Variants in GRM5 observed in about 807,000 individuals in gnomAD.
The protein encoded by GRM5 is glutamate metabotropic receptor 5.
Under a neutral mutation model 83.1 loss-of-function variants are expected in GRM5, and 19 were observed. That is an observed-to-expected ratio of 0.23 (90% confidence interval 0.16 to 0.34). The LOEUF (loss-of-function observed/expected upper bound fraction) is 0.34, where lower values mean the gene tolerates loss of function less well. GRM5 is among the 10% of genes least tolerant of loss of function. GRM5 has a pLI of 1.00. For synonymous variants in GRM5, 675 were observed against 633.6 expected (o/e 1.07, Z -0.98); for missense variants, 1,160 against 1,588.3 (o/e 0.73, Z 4.58).
chr11:88,595,803 A>G (rs1025205544), intron 6 of GRM5, among the ~76,000 whole-genome samples: 4 of 151,966 alleles, frequency 2.6e-5, no homozygotes, highest in Admixed American at 2.6e-4. Flanking sequence ...CTAGTTGTCT[A>G]TCTCTCTGTA....
chr11:88,643,308 T>C (rs561359782), intron 4 of GRM5, among the ~76,000 whole-genome samples: 27 of 152,180 alleles, frequency 1.8e-4, no homozygotes, highest in Admixed American at 1.7e-3. Flanking sequence ...CATTCACTAT[T>C]GCAAGAACAG....
intron 8 of GRM5, among the ~76,000 whole-genome samples, chr11:88,561,669 T>G (rs901187276): frequency 1.3e-5 from 2 of 152,176 alleles, no homozygotes; most frequent in African/African-American, 4.8e-5. Context: ...TGCACCATGT[T>G]GTGCTGGAAA....
chr11:88,968,974 A>G (rs1939081016), intron 2 of GRM5, among the ~76,000 whole-genome samples: 1 of 152,102 alleles, frequency 6.6e-6, no homozygotes, highest in Non-Finnish European at 1.5e-5. Flanking sequence ...CTTCAGCATC[A>G]GTGTGGAAGG....
chr11:88,583,321 A>T (rs1432524286), intron 7 of GRM5, among the ~76,000 whole-genome samples: 2 of 152,164 alleles, frequency 1.3e-5, no homozygotes, highest in Admixed American at 6.5e-5. Flanking sequence ...AAGTGAAGAG[A>T]CAAATGTTCC....
chr11:88,887,745 C>T (rs1945069575), intron 2 of GRM5, among the ~76,000 whole-genome samples: 2 of 152,146 alleles, frequency 1.3e-5, no homozygotes, highest in African/African-American at 4.8e-5. Flanking sequence ...ATTCAGCCTG[C>T]ACTCCCCTGG....
chr11:89,042,071 T>G (rs1276590083), intron 2 of GRM5, among the ~76,000 whole-genome samples: 1 of 152,162 alleles, frequency 6.6e-6, no homozygotes, highest in Non-Finnish European at 1.5e-5. Context: ...TTTGAGACAG[T>G]TTTGCTTTTG....
chr11:88,960,595 T>C (rs1249375846), intron 2 of GRM5, among the ~76,000 whole-genome samples: 2 of 152,138 alleles, frequency 1.3e-5, no homozygotes, highest in African/African-American at 2.4e-5. Flanking sequence ...TAGATAGTAG[T>C]AGGGCAAGTG....
intron 3 of GRM5, among the ~76,000 whole-genome samples, chr11:88,764,259 T>C (rs1344620504): frequency 1.3e-5 from 2 of 151,518 alleles, no homozygotes; most frequent in Non-Finnish European, 3.0e-5. Flanking sequence ...ATCATAACGG[T>C]TGCAGACTTC....
chr11:88,690,978 A>T (rs1416238914), intron 3 of GRM5, among the ~76,000 whole-genome samples: 5 of 152,192 alleles, frequency 3.3e-5, no homozygotes, highest in African/African-American at 1.2e-4. Flanking sequence ...CCTATGGATC[A>T]ATTTTTTAGT....
intron 3 of GRM5, among the ~76,000 whole-genome samples, chr11:88,821,497 C>T (rs748909952): frequency 1.3e-5 from 2 of 152,048 alleles, no homozygotes; most frequent in Non-Finnish European, 2.9e-5. Context: ...ATTTGTAAGC[C>T]ATATCCTTAG....
chr11:88,584,936 G>C (rs191965862), intron 7 of GRM5, among the ~76,000 whole-genome samples: 29 of 152,242 alleles, frequency 1.9e-4, no homozygotes, highest in African/African-American at 7.0e-4. Context: ...TGGCACTTTG[G>C]CATATTGAAT....
chr11:88,719,440 C>T (rs532462443), intron 3 of GRM5, among the ~76,000 whole-genome samples: 1 of 152,178 alleles, frequency 6.6e-6, no homozygotes, highest in East Asian at 1.9e-4. Context: ...ATATGTATCA[C>T]ATTTTCTTCA....
chr11:88,836,402 G>A lies in GRM5; in HGVS notation c.911+13504C>T, dbSNP rs545694899. Among the ~76,000 whole-genome samples the A allele has an allele frequency of 4.6e-5, 7 of 152,252 alleles. No homozygotes were observed. The South Asian group carries it at 1.5e-3, about 32-fold the overall frequency. Reference sequence around the variant, plus strand: ...TTATCACAATGCCTGTCAACAAATAGAAATATACATATGTATATATGTGTG... The same window carrying A: ...TTATCACAATGCCTGTCAACAAATAAAAATATACATATGTATATATGTGTG... On this transcript the variant is annotated intron_variant, in intron 3 of 9. Coordinates refer to ENST00000305447, the MANE Select transcript of GRM5 (RefSeq NM_001143831.3).
At position 88,508,800 on chromosome 11, in the gene GRM5, G is replaced by A. The variant is rs1251710820; in HGVS notation, c.3431C>T (p.Pro1144Leu). 6.8e-7 allele frequency: 1 copy of A among 1,477,004 alleles called. No individual in the cohort carries two copies. Among genetic ancestry groups the A allele is most frequent in the Non-Finnish European group, 8.9e-7 (1 of 1,118,570 alleles). The allele number at this position is 1,477,004 out of a possible 1,614,324, so 91.5% of individuals were successfully genotyped here. The change falls in exon 10 of 10, where the codon CCC becomes CTC. Residue 1144 changes from proline to leucine, a missense_variant. Coordinates refer to ENST00000305447, the MANE Select transcript of GRM5 (RefSeq NM_001143831.3). This position sits in a 1 kb window ranked among gnomAD's most constrained non-coding sequence, Gnocchi z 4.2. ...GGCCGCAGCCTCGGGACCGGCCGCG[G>A]GGCTCTCCCGGGCCGCGTCCCCAGC... is the stretch of plus-strand genomic sequence containing the variant. ...QAAGDAARES[P>L]AAGPEAAAAK...
At chr11:89,039,418 A>G (rs1353423967) in intron 2 of GRM5, among the ~76,000 whole-genome samples, 6 of 152,056 alleles carry the variant, frequency 3.9e-5, no homozygotes, top group Non-Finnish European at 7.4e-5. Context: ...GTTTAAGTCC[A>G]TTTTCCAGAG....
intron 2 of GRM5, among the ~76,000 whole-genome samples, chr11:88,952,625 A>T (rs887862774): frequency 8.0e-5 from 1 of 12,560 alleles, no homozygotes; most frequent in African/African-American, 1.7e-4. Flanking sequence ...GCAGAAAGAG[A>T]GCTTTTTTTT....
In GRM5 at chr11:89,022,486, C is replaced by CAA. The variant is rs10573194; in HGVS notation, c.661+24724_661+24725dup. ...TGAAACTCCGTCCCTACTAAAAATA[C>CAA]AAAAAAAAAAAAAAAAATAGACAGA... On this transcript the variant is annotated intron_variant, in intron 2 of 9. Transcript: ENST00000305447. Among the ~76,000 whole-genome samples, 896 of 126,040 alleles carry CAA rather than the reference C, an allele frequency of 7.1e-3. 11 individuals carry two copies. The highest frequency in any genetic ancestry group is 0.024 in the African/African-American group (860 of 35,294). The allele number at this position is 126,040 out of a possible 152,430, so 82.7% of individuals were successfully genotyped here. A position where few individuals can be genotyped will look rare whatever the true frequency, so the allele number is the denominator to read the frequency against.
At chr11:88,870,640 T>C (rs1439763641) in intron 2 of GRM5, among the ~76,000 whole-genome samples, 5 of 151,606 alleles carry the variant, frequency 3.3e-5, no homozygotes, top group Admixed American at 6.6e-5. Flanking sequence ...AGCCAGGCAG[T>C]AGAAGCTGAT....
chr11:88,989,338 C>G (rs1939872755), intron 2 of GRM5, among the ~76,000 whole-genome samples: 1 of 139,576 alleles, frequency 7.2e-6, no homozygotes, highest in Non-Finnish European at 1.6e-5. Flanking sequence ...GCACCCAATA[C>G]AGTAGCACCC....
Sources: allele counts gnomAD v4.1 joint callset (sites outside exome capture counted in the v4.1 genomes callset), GRCh38; gene constraint gnomAD v4.1.1; non-coding constraint Gnocchi (gnomAD v3.1); transcripts MANE v1.5; gene names NCBI Gene and HGNC (gene_info 2026-07-23, HGNC 2026-07-21).